The following CCDC102B variants were observed in gnomAD, a reference collection of about 807,000 sequenced individuals.
CCDC102B encodes coiled-coil domain-containing protein 102B.
A neutral mutation model predicts 57.4 loss-of-function variants in CCDC102B; 75 were observed. That is an observed-to-expected ratio of 1.31 (90% CI 1.08 to 1.58). The LOEUF (loss-of-function observed/expected upper bound fraction) is 1.58, where lower values mean the gene tolerates loss of function less well. Among genes scored for constraint, CCDC102B ranks in the 40% most tolerant of loss-of-function variants. The pLI, the probability that CCDC102B is intolerant of heterozygous loss-of-function variation, is 0.00. For missense variants in CCDC102B, 636 were observed against 582.6 expected, an observed-to-expected ratio of 1.09 and a Z score of -0.94; for synonymous variants, 206 against 201.9, an observed-to-expected ratio of 1.02 and a Z score of -0.17.
chr18:68,991,692 T>C (rs2050872150), intron 6 of CCDC102B, among the ~76,000 whole-genome samples: 1 of 152,254 alleles, frequency 6.6e-6, no homozygotes, highest in Admixed American at 6.5e-5. Context: ...GTTAGAGTTG[T>C]GATTTAGCTA....
At chr18:69,007,985 T>C (rs2051397509) in intron 6 of CCDC102B, among the ~76,000 whole-genome samples, 1 of 152,232 alleles carries the variant, frequency 6.6e-6, no homozygotes, top group African/African-American at 2.4e-5. Context: ...TGACAAAGCA[T>C]TAATGATATA....
rs1349161719 is a variant in CCDC102B at position 68,857,273 on chromosome 18, A to ATT, written c.936+10853_936+10854insTT. On this transcript the variant is annotated intron_variant, in intron 4 of 7. Transcript: ENST00000360242. Reference sequence around the variant, plus strand: ...TTATTATTTAAATATATAAATATATATATAATATATATTTATATATTATAT... The same window carrying ATT: ...TTATTATTTAAATATATAAATATATATTTATAATATATATTTATATATTATAT... 1.6e-4 allele frequency among the ~76,000 whole-genome samples: 6 copies of ATT among 38,466 alleles called. 1 individual carries two copies. Among genetic ancestry groups the ATT allele is most frequent in the African/African-American group, 4.4e-4 (6 of 13,598 alleles). The allele number at this position is 38,466 out of a possible 152,430, so 25.2% of individuals were successfully genotyped here. A position where few individuals can be genotyped will look rare whatever the true frequency, so the allele number is the denominator to read the frequency against.
At chr18:68,796,485 G>C (rs1242541104), upstream of CCDC102B, among the ~76,000 whole-genome samples, 4 of 152,076 alleles carry the variant, frequency 2.6e-5, no homozygotes, top group African/African-American at 4.8e-5. Context: ...TGAAAATTCA[G>C]ACAGTCATTG....
In CCDC102B at chr18:68,789,744, A is replaced by G. The variant is rs1290374459; in HGVS notation, c.-66-33622A>G. On this transcript the variant is annotated intron_variant, in intron 2 of 3. Coordinates refer to the CCDC102B transcript ENST00000578970. ...TTATACATTCTTCTAAATTTTTTTC[A>G]AAGTTTTCAACTTCTTTGCCTTTGG... 4.5e-3 allele frequency among the ~76,000 whole-genome samples: 642 copies of G among 142,596 alleles called. 2 individuals carry two copies. The highest frequency in any genetic ancestry group is 5.4e-3 in the Non-Finnish European group (352 of 65,548). The allele number at this position is 142,596 out of a possible 152,430, so 93.5% of individuals were successfully genotyped here. A position where few individuals can be genotyped will look rare whatever the true frequency, so the allele number is the denominator to read the frequency against.
At chr18:69,007,525 AG>A (rs1207409484) in intron 6 of CCDC102B, among the ~76,000 whole-genome samples, 3 of 152,226 alleles carry the variant, frequency 2.0e-5, no homozygotes, top group African/African-American at 7.2e-5. Context: ...ACAAGAGGAA[AG>A]CTTATTAGAA....
intron 7 of CCDC102B, among the ~76,000 whole-genome samples, chr18:69,035,481 C>T (rs933494382): frequency 5.3e-5 from 8 of 152,008 alleles, no homozygotes; most frequent in East Asian, 1.9e-4. Flanking sequence ...CACAAAATTA[C>T]GATAATCTAA....
chr18:68,993,813 G>A (rs1274663234), intron 6 of CCDC102B, among the ~76,000 whole-genome samples: 1 of 152,172 alleles, frequency 6.6e-6, no homozygotes, highest in Non-Finnish European at 1.5e-5. Flanking sequence ...TCTATTTCAA[G>A]TAAATAGAAC....
At chr18:68,723,088 C>T (rs1447635704) in intron 2 of CCDC102B, among the ~76,000 whole-genome samples, 1 of 151,978 alleles carries the variant, frequency 6.6e-6, no homozygotes, top group Admixed American at 6.6e-5. Context: ...TGGTGGAAGG[C>T]ACCTCTTCAC....
At chr18:68,781,311 TTAA>T (rs1197204334) in intron 2 of CCDC102B, among the ~76,000 whole-genome samples, 1 of 143,914 alleles carries the variant, frequency 6.9e-6, no homozygotes, top group Non-Finnish European at 1.5e-5. Context: ...TCTCAGAAAA[TTAA>T]TAAGAGAAGA....
intron 6 of CCDC102B, among the ~76,000 whole-genome samples, chr18:68,904,459 A>G (rs528733758): frequency 1.3e-5 from 2 of 152,206 alleles, no homozygotes; most frequent in African/African-American, 2.4e-5. Flanking sequence ...TGTACATTTT[A>G]AAGTGTATAG....
chr18:68,945,108 C>CTG (rs1491505547), intron 6 of CCDC102B, among the ~76,000 whole-genome samples: 1 of 128,906 alleles, frequency 7.8e-6, no homozygotes, highest in African/African-American at 3.2e-5. Flanking sequence ...CTCTCTCTCT[C>CTG]TGTCTCTCTC....
At chr18:69,006,751 GA>G (rs1299426733) in intron 6 of CCDC102B, among the ~76,000 whole-genome samples, 2 of 152,088 alleles carry the variant, frequency 1.3e-5, no homozygotes, top group African/African-American at 4.8e-5. Flanking sequence ...CCTGCTTTGA[GA>G]ATTAAAGAAG....
chr18:68,913,346 T>TGTGGA (rs2040945349), intron 6 of CCDC102B, among the ~76,000 whole-genome samples: 1 of 15,780 alleles, frequency 6.3e-5, no homozygotes, highest in African/African-American at 2.0e-4. Context: ...GTGTGTGTGG[T>TGTGGA]CCTACTTTAA....
chr18:68,758,928 G>GA (rs749872882), intron 2 of CCDC102B, among the ~76,000 whole-genome samples: 5 of 140,840 alleles, frequency 3.6e-5, no homozygotes, highest in East Asian at 4.2e-4. Context: ...TATAAAGAGA[G>GA]AAAAAAACCT....
At chr18:68,973,008 T>A (rs190345305) in intron 6 of CCDC102B, among the ~76,000 whole-genome samples, 94 of 152,272 alleles carry the variant, frequency 6.2e-4, no homozygotes, top group Middle Eastern at 3.4e-3. Context: ...AGGCAACAGA[T>A]TTTTAATGTT....
chr18:69,001,492 G>A (rs1392076426), intron 6 of CCDC102B, among the ~76,000 whole-genome samples: 1 of 146,390 alleles, frequency 6.8e-6, no homozygotes, highest in Non-Finnish European at 1.5e-5. Context: ...GGACAAAAGG[G>A]AAAAAAAAAA....
At chr18:68,752,247 G>A (rs192933219) in intron 2 of CCDC102B, among the ~76,000 whole-genome samples, 305 of 152,010 alleles carry the variant, frequency 2.0e-3, no homozygotes, top group African/African-American at 7.1e-3. Context: ...GTGACAGAGC[G>A]AGACTCTGTC....
At chr18:68,828,072 A>G (rs1446865036) in intron 1 of CCDC102B, among the ~76,000 whole-genome samples, 1 of 151,836 alleles carries the variant, frequency 6.6e-6, no homozygotes, top group Non-Finnish European at 1.5e-5. Flanking sequence ...TTCCAAACAC[A>G]TGAAGCAAAA....
At chr18:68,833,064 T>A (rs577591148) in intron 1 of CCDC102B, among the ~76,000 whole-genome samples, 2 of 152,196 alleles carry the variant, frequency 1.3e-5, no homozygotes, top group Non-Finnish European at 2.9e-5. Context: ...AGTGGAAGTA[T>A]GCCAAATGTA....
Sources: gnomAD v4.1 joint callset for allele counts (sites outside exome capture counted in the v4.1 genomes callset) on GRCh38, gnomAD v4.1.1 for gene constraint, MANE v1.5 for transcripts, NCBI Gene and HGNC (gene_info 2026-07-23, HGNC 2026-07-21) for gene names.